Variants in USP32 observed in about 807,000 individuals in gnomAD.
USP32 encodes ubiquitin specific peptidase 32.
A neutral mutation model predicts 204.8 loss-of-function variants in USP32; 59 were observed. That is an observed-to-expected ratio of 0.29 (90% CI 0.23 to 0.36). The LOEUF (loss-of-function observed/expected upper bound fraction) is 0.36. USP32 is among the 10% of genes least tolerant of loss of function. USP32 has a pLI of 1.00. For synonymous variants in USP32, 517 were observed against 678.4 expected, an observed-to-expected ratio of 0.76 and a Z score of 3.70; for missense variants, 1,160 against 1,946.4, an observed-to-expected ratio of 0.60 and a Z score of 7.60.
At chr17:60,355,857 G>A (rs996544584) in intron 1 of USP32, among the ~76,000 whole-genome samples, 198 of 42,684 alleles carry the variant, frequency 4.6e-3, no homozygotes, top group Admixed American at 0.014. Flanking sequence ...GAGAGAGAAA[G>A]AAAAAAAAAA....
Position 60,183,239 on chromosome 17 carries a change from G to A in USP32, c.4049C>T (p.Ser1350Leu), listed in dbSNP as rs755492407. 5 of 1,613,862 alleles carry A rather than the reference G, an allele frequency of 3.1e-6. No individual in the cohort carries two copies. The highest frequency in any genetic ancestry group is 1.1e-5 in the South Asian group (1 of 91,080). The stretch of plus-strand genomic sequence containing the variant: ...CAGGAGCACGTCCTCTTCCCCAGCC[G>A]AACTCTGCGCATCCACTTTCTTCAC... ...REVKKVDAQS[S>L]AGEEDVLLSK... Residue 1350 changes from serine to leucine, a missense_variant, in exon 31 of 34, where the codon TCG (serine) becomes TTG (leucine). Physicochemically the swap from Ser to Leu is moderately radical, Grantham distance 145. Around this residue, in one of 8 missense-constraint regions of USP32, gnomAD observed 244 missense variants for 342.3 expected, o/e 0.71. Transcript: ENST00000300896.
At chr17:60,318,457 G>C (rs532821524) in intron 2 of USP32, among the ~76,000 whole-genome samples, 6 of 152,250 alleles carry the variant, frequency 3.9e-5, no homozygotes, top group African/African-American at 1.4e-4. Flanking sequence ...CAGGGAAAAG[G>C]ACTTGTTCAC....
chr17:60,199,155 A>G (rs1425120690), intron 26 of USP32, among the ~76,000 whole-genome samples: 13 of 152,066 alleles, frequency 8.5e-5, no homozygotes, highest in Non-Finnish European at 1.9e-4. Context: ...GGAAAAAAAA[A>G]AAAAAGACTC....
At chr17:60,393,927 GC>G (rs1223067802), upstream of USP32, among the ~76,000 whole-genome samples, 3 of 151,956 alleles carry the variant, frequency 2.0e-5, no homozygotes, top group Non-Finnish European at 4.4e-5. Flanking sequence ...CAGATGATCC[GC>G]CCGCCTCAGC....
intron 5 of USP32, 114 bp downstream of exon 5, chr17:60,288,409 C>A: frequency 7.7e-7 from 1 of 1,298,628 alleles, no homozygotes; most frequent in Non-Finnish European, 1.0e-6. Flanking sequence ...CACTGCACTC[C>A]AGCCTGGGAC....
intron 3 of USP32, among the ~76,000 whole-genome samples, chr17:60,295,721 A>C (rs796185699): frequency 2.6e-4 from 39 of 152,306 alleles, no homozygotes; most frequent in African/African-American, 9.1e-4. Context: ...CCAGATTCAC[A>C]TAAAACTTTT....
At chr17:60,339,806 T>C (rs2088615050) in intron 2 of USP32, among the ~76,000 whole-genome samples, 1 of 152,172 alleles carries the variant, frequency 6.6e-6, no homozygotes, top group South Asian at 2.1e-4. Context: ...TCTAAAGTGG[T>C]TATCCTTTTT....
intron 1 of USP32, among the ~76,000 whole-genome samples, chr17:60,355,747 G>T (rs939415223): frequency 6.7e-6 from 1 of 148,472 alleles, no homozygotes; most frequent in Non-Finnish European, 1.5e-5. Context: ...AAGGTGGGAG[G>T]ATCACTAGCG....
chr17:60,334,345 C>T (rs564108026), intron 2 of USP32, among the ~76,000 whole-genome samples: 208 of 152,172 alleles, frequency 1.4e-3, no homozygotes, highest in African/African-American at 4.9e-3. Context: ...TATGGTAGTA[C>T]CTGATAAAAT....
intron 5 of USP32, among the ~76,000 whole-genome samples, chr17:60,280,298 T>A (rs1177708868): frequency 6.6e-6 from 1 of 152,136 alleles, no homozygotes; most frequent in East Asian, 1.9e-4. Context: ...GGTTTCACCA[T>A]GTTGCCCAGG....
chr17:60,276,966 T>TACATATATATAA (rs60544670), intron 5 of USP32, among the ~76,000 whole-genome samples: 1 of 149,816 alleles, frequency 6.7e-6, no homozygotes, highest in African/African-American at 2.5e-5. Context: ...TATATATATA[T>TACATATATATAA]AAAATTACCA....
chr17:60,312,956 C>T (rs1378965254), intron 2 of USP32, among the ~76,000 whole-genome samples: 2 of 152,166 alleles, frequency 1.3e-5, no homozygotes. Flanking sequence ...TTAATGCAAG[C>T]TCTGTGGCTG....
chr17:60,329,904 A>T (rs1267507386), intron 2 of USP32, among the ~76,000 whole-genome samples: 1 of 152,230 alleles, frequency 6.6e-6, no homozygotes, highest in African/African-American at 2.4e-5. Context: ...TAAATACACA[A>T]CTACAAGAGA....
chr17:60,283,227 G>T (rs540462080), intron 5 of USP32, among the ~76,000 whole-genome samples: 2 of 152,168 alleles, frequency 1.3e-5, no homozygotes, highest in Non-Finnish European at 2.9e-5. Flanking sequence ...TAATATAAAA[G>T]TTCATGGTGT....
At chr17:60,277,918 C>CTTTTT (rs11422765) in intron 5 of USP32, among the ~76,000 whole-genome samples, 1 of 132,714 alleles carries the variant, frequency 7.5e-6, no homozygotes, top group East Asian at 2.1e-4. Flanking sequence ...ATAATAGTTC[C>CTTTTT]TTTTTTTTTT....
At chr17:60,220,731 C>T (rs2085224674) in intron 15 of USP32, among the ~76,000 whole-genome samples, 1 of 152,002 alleles carries the variant, frequency 6.6e-6, no homozygotes, top group South Asian at 2.1e-4. Context: ...GCAAGCTCTG[C>T]CTCCCGGGTT....
chr17:60,239,896 G>C (rs1164729635), intron 11 of USP32, among the ~76,000 whole-genome samples: 1 of 152,078 alleles, frequency 6.6e-6, no homozygotes, highest in Non-Finnish European at 1.5e-5. Context: ...ACCAGGCCTG[G>C]CTAATTTTTG....
intron 16 of USP32, among the ~76,000 whole-genome samples, chr17:60,218,212 G>A (rs1216789622): frequency 2.6e-5 from 4 of 151,958 alleles, no homozygotes; most frequent in African/African-American, 4.8e-5. Flanking sequence ...GTGAAACCCC[G>A]TCTCTATTAA....
chr17:60,179,389 T>G lies in USP32; in HGVS notation c.4681A>C (p.Ile1561Leu). The G allele has an allele frequency of 6.2e-7, 1 of 1,613,016 alleles. No individual in the cohort carries two copies. ...PDEIDTDSAYILFYEQQGIDY... is the reference protein window; with the variant it reads ...PDEIDTDSAYLLFYEQQGIDY... The stretch of plus-strand genomic sequence containing the variant: ...ATCCCCTGCTGCTCATAGAAAAGAA[T>G]GTAGGCAGAGTCGGTGTCAATTTCA... Residue 1561 changes from isoleucine (I) to leucine (L), a missense_variant, in exon 34 of 34, where the codon ATT becomes CTT. Transcript: ENST00000300896.
Sources: allele counts gnomAD v4.1 joint callset (sites outside exome capture counted in the v4.1 genomes callset), GRCh38; gene constraint gnomAD v4.1.1; regional missense constraint gnomAD v4.1.1; transcripts MANE v1.5; gene names NCBI Gene and HGNC (gene_info 2026-07-23, HGNC 2026-07-21).